CTNND2: variants seen among roughly 807,000 people sequenced by gnomAD.
CTNND2 encodes the protein catenin delta 2, also known as catenin delta-2.
CTNND2 carries 22 observed loss-of-function variants against 144.4 expected under a neutral mutation model. The ratio of observed to expected loss-of-function variants is 0.15; its 90% CI spans 0.11 to 0.22. The LOEUF (loss-of-function observed/expected upper bound fraction) is 0.22. Ranked by LOEUF, CTNND2 falls within the 10% of genes least tolerant of loss-of-function variation. CTNND2 has a pLI of 1.00. For missense variants in CTNND2, 1,353 were observed against 1,618.8 expected, an observed-to-expected ratio of 0.84 and a Z score of 2.82; for synonymous variants, 751 against 695.6, an observed-to-expected ratio of 1.08 and a Z score of -1.25.
At position 11,509,222 on chromosome 5, in the gene CTNND2, G is replaced by T. The variant is rs899143712; in HGVS notation, c.287+55722C>A. Among the ~76,000 whole-genome samples the T allele has an allele frequency of 2.0e-5, 3 of 152,114 alleles. No homozygotes were observed. The South Asian group carries it at 6.2e-4, about 31-fold the overall frequency. On this transcript the variant is annotated intron_variant, in intron 3 of 21. Coordinates refer to ENST00000304623, the MANE Select transcript of CTNND2 (RefSeq NM_001332.4). Reference sequence around the variant, plus strand: ...CTAGCATTCTTGCAGTTCCCCTAAGGCATTGCATCAGTGAACAGATTTGAG... The same window carrying T: ...CTAGCATTCTTGCAGTTCCCCTAAGTCATTGCATCAGTGAACAGATTTGAG...
intron 18 of CTNND2, among the ~76,000 whole-genome samples, chr5:10,993,481 T>C (rs1025782881): frequency 1.3e-5 from 2 of 152,196 alleles, no homozygotes. Context: ...ATAGATTTTA[T>C]TTTTATCAAA....
intron 1 of CTNND2, among the ~76,000 whole-genome samples, chr5:11,775,204 A>G (rs909497801): frequency 6.6e-6 from 1 of 152,216 alleles, no homozygotes; most frequent in Non-Finnish European, 1.5e-5. Context: ...GTACACAGTT[A>G]AACAAAAGAG....
intron 1 of CTNND2, among the ~76,000 whole-genome samples, chr5:11,736,105 C>T (rs1787669358): frequency 6.6e-6 from 1 of 152,190 alleles, no homozygotes; most frequent in South Asian, 2.1e-4. Flanking sequence ...CTTTTAATTC[C>T]TATTTCAATG....
At chr5:11,033,524 C>T (rs1012340282) in intron 16 of CTNND2, among the ~76,000 whole-genome samples, 2 of 152,028 alleles carry the variant, frequency 1.3e-5, no homozygotes, top group South Asian at 4.1e-4. Flanking sequence ...AGTTGCTGGT[C>T]CTTTAAGAAA....
chr5:10,972,312 A>C lies in CTNND2; in HGVS notation c.*1141T>G, dbSNP rs914599453. 1 of 152,576 alleles carries C rather than the reference A, an allele frequency of 6.6e-6. No individual in the cohort carries two copies. Among genetic ancestry groups the C allele is most frequent in the African/African-American group, 2.4e-5 (1 of 41,456 alleles). 9.5% of individuals were successfully genotyped at this position (152,576 alleles called of 1,614,324 possible). A position where few individuals can be genotyped will look rare whatever the true frequency, so the allele number is the denominator to read the frequency against. ...ATGGTCAGAAGAATAGATACAGTAC[A>C]AAAGGAACAAACTGATGTACATTTA... On this transcript the variant is annotated 3_prime_UTR_variant, in exon 22 of 22. Coordinates refer to ENST00000304623, the MANE Select transcript of CTNND2 (RefSeq NM_001332.4).
chr5:11,495,161 C>T lies in CTNND2; in HGVS notation c.287+69783G>A, dbSNP rs115325807. On this transcript the variant is annotated intron_variant, in intron 3 of 21. Transcript: ENST00000304623. ...GATAAATAATTACACTAAGAGTGTGCTTCATGATTTTTAACAACTGTATTT... is the reference window on the plus strand; with the variant it reads ...GATAAATAATTACACTAAGAGTGTGTTTCATGATTTTTAACAACTGTATTT... Among the ~76,000 whole-genome samples the T allele has an allele frequency of 7.1e-3, 1,076 of 152,252 alleles. 11 individuals carry two copies. The highest frequency in any genetic ancestry group is 0.024 in the African/African-American group (1,005 of 41,558).
At chr5:11,541,838 A>ACGC (rs1554080448) in intron 3 of CTNND2, among the ~76,000 whole-genome samples, 2 of 75,092 alleles carry the variant, frequency 2.7e-5, no homozygotes, top group African/African-American at 1.2e-4. Context: ...TTTATTATCG[A>ACGC]CCCCCCCCCC....
intron 3 of CTNND2, among the ~76,000 whole-genome samples, chr5:11,539,286 G>A (rs774531066): frequency 3.9e-5 from 6 of 152,064 alleles, no homozygotes; most frequent in Non-Finnish European, 5.9e-5. Context: ...GGTGACTGAC[G>A]CCTGTCACCC....
intron 2 of CTNND2, among the ~76,000 whole-genome samples, chr5:11,584,687 A>C (rs888013652): frequency 6.6e-6 from 1 of 152,198 alleles, no homozygotes; most frequent in African/African-American, 2.4e-5. Context: ...TTGATTCAAA[A>C]ATAACAAAAA....
chr5:11,012,361 C>T (rs1400030799), intron 18 of CTNND2, among the ~76,000 whole-genome samples: 2 of 152,154 alleles, frequency 1.3e-5, no homozygotes, highest in African/African-American at 4.8e-5. Flanking sequence ...ATCATGGTGA[C>T]CCAGGCTTCC....
At chr5:11,706,069 G>A (rs1473520357) in intron 2 of CTNND2, among the ~76,000 whole-genome samples, 1 of 152,130 alleles carries the variant, frequency 6.6e-6, no homozygotes, top group Non-Finnish European at 1.5e-5. Flanking sequence ...GAGCCAGACA[G>A]TATCCCAGGC....
intron 2 of CTNND2, among the ~76,000 whole-genome samples, chr5:11,701,000 C>A (rs999599429): frequency 6.6e-6 from 1 of 152,156 alleles, no homozygotes; most frequent in Non-Finnish European, 1.5e-5. Context: ...CAGACATAAT[C>A]AAAGGGCAGT....
intron 2 of CTNND2, among the ~76,000 whole-genome samples, chr5:11,731,893 G>C (rs1413120435): frequency 6.6e-6 from 1 of 152,028 alleles, no homozygotes; most frequent in Non-Finnish European, 1.5e-5. Flanking sequence ...TTCACCCATA[G>C]GAAATTTTGA....
intron 9 of CTNND2, among the ~76,000 whole-genome samples, chr5:11,342,687 G>A (rs1754394506): frequency 1.3e-5 from 2 of 152,152 alleles, no homozygotes; most frequent in African/African-American, 4.8e-5. Flanking sequence ...TGATAGACAA[G>A]ACAGTTATAA....
chr5:11,323,625 G>C (rs949717495), intron 9 of CTNND2, among the ~76,000 whole-genome samples: 7 of 152,158 alleles, frequency 4.6e-5, no homozygotes, highest in African/African-American at 1.7e-4. Flanking sequence ...CTGTTGATGG[G>C]ATATAATGAG....
intron 9 of CTNND2, among the ~76,000 whole-genome samples, chr5:11,251,592 T>C (rs1434358961): frequency 6.6e-6 from 1 of 152,198 alleles, no homozygotes; most frequent in African/African-American, 2.4e-5. Flanking sequence ...TCGAATTTCC[T>C]ATGTTGCCCT....
At chr5:11,696,779 G>A (rs1294132427) in intron 2 of CTNND2, among the ~76,000 whole-genome samples, 1 of 152,186 alleles carries the variant, frequency 6.6e-6, no homozygotes, top group African/African-American at 2.4e-5. Context: ...CAACAGGTAT[G>A]AACAACCAGT....
At chr5:11,211,486 C>A (rs895168944) in intron 10 of CTNND2, among the ~76,000 whole-genome samples, 1 of 152,190 alleles carries the variant, frequency 6.6e-6, no homozygotes, top group Non-Finnish European at 1.5e-5. Flanking sequence ...TGGCCAAATT[C>A]TAGGTCTGTT....
chr5:11,542,642 T>C (rs890158279), intron 3 of CTNND2, among the ~76,000 whole-genome samples: 1 of 152,232 alleles, frequency 6.6e-6, no homozygotes, highest in Non-Finnish European at 1.5e-5. Context: ...CAAATTATTA[T>C]AATTATGCTT....
Sources: gnomAD v4.1 joint callset for allele counts (sites outside exome capture counted in the v4.1 genomes callset) on GRCh38, gnomAD v4.1.1 for gene constraint, MANE v1.5 for transcripts, NCBI Gene and HGNC (gene_info 2026-07-23, HGNC 2026-07-21) for gene names.